The following PDSS2 variants were observed in gnomAD, a reference collection of about 807,000 sequenced individuals.
PDSS2 encodes the protein all trans-polyprenyl-diphosphate synthase PDSS2.
In PDSS2, 31 loss-of-function variants were observed where a neutral mutation model predicts 44.5. The observed-to-expected ratio is 0.70, with a 90% confidence interval of 0.52 to 0.94. The LOEUF is 0.94. Ranked by LOEUF, PDSS2 falls within the 40% of genes least tolerant of loss-of-function variation. PDSS2 has a pLI of 0.00. For missense variants in PDSS2, 452 were observed against 482.2 expected, an observed-to-expected ratio of 0.94 and a Z score of 0.59; for synonymous variants, 157 against 180.3, an observed-to-expected ratio of 0.87 and a Z score of 1.03.
chr6:107,367,920 GAATT>G (rs1779009276), intron 1 of PDSS2, among the ~76,000 whole-genome samples: 2 of 151,698 alleles, frequency 1.3e-5, no homozygotes, highest in Admixed American at 6.6e-5. Context: ...AAAAATACTA[GAATT>G]AATACATGAA....
chr6:107,411,411 T>A (rs1436503568), intron 1 of PDSS2, among the ~76,000 whole-genome samples: 1 of 152,262 alleles, frequency 6.6e-6, no homozygotes, highest in Non-Finnish European at 1.5e-5. Context: ...TTTGAGTTTT[T>A]ACCAATGTGA....
At chr6:107,291,852 TAAAAAAGAAAAG>T (rs1171278964) in intron 2 of PDSS2, among the ~76,000 whole-genome samples, 1 of 151,586 alleles carries the variant, frequency 6.6e-6, no homozygotes, top group East Asian at 2.0e-4. Flanking sequence ...CATTTCTATT[TAAAAAAGAAAAG>T]AAAAAAGAAA....
In PDSS2 at chr6:107,321,043, A is replaced by G. The variant is rs537648096; in HGVS notation, c.431+13155T>C. Reference sequence around the variant, plus strand: ...TACCAAGAAAAGCAATTTCTTAACCAATGTTAAATGTTAAATAAATGCACT... The same window carrying G: ...TACCAAGAAAAGCAATTTCTTAACCGATGTTAAATGTTAAATAAATGCACT... On this transcript the variant is annotated intron_variant, in intron 2 of 7. Transcript: ENST00000369037. 5.1e-4 allele frequency among the ~76,000 whole-genome samples: 77 copies of G among 152,372 alleles called. 1 individual carries two copies. In the South Asian group the frequency reaches 7.9e-3, roughly 16 times the overall value.
chr6:107,294,474 T>C (rs886219093), intron 2 of PDSS2, among the ~76,000 whole-genome samples: 1 of 152,090 alleles, frequency 6.6e-6, no homozygotes, highest in Non-Finnish European at 1.5e-5. Context: ...CTTAAACTGC[T>C]GGCCTCAAGT....
At position 107,452,299 on chromosome 6, in the gene PDSS2, G is replaced by A. The variant is rs1159545876; in HGVS notation, c.296+6691C>T. ...GTTGCCCAGGCTGGAGTGCAGTGCCGCGATCTCACTGCAACCTCTGCCTCC... is the reference window on the plus strand; with the variant it reads ...GTTGCCCAGGCTGGAGTGCAGTGCCACGATCTCACTGCAACCTCTGCCTCC... On this transcript the variant is annotated intron_variant, in intron 1 of 7. Transcript: ENST00000369037. Among the ~76,000 whole-genome samples the A allele has an allele frequency of 5.3e-5, 8 of 151,186 alleles. No homozygotes were observed. The East Asian group carries it at 7.8e-4, about 15-fold the overall frequency.
At chr6:107,447,601 C>T (rs555697587) in intron 1 of PDSS2, among the ~76,000 whole-genome samples, 1 of 152,346 alleles carries the variant, frequency 6.6e-6, no homozygotes, top group South Asian at 2.1e-4. Context: ...GAAACTCTGC[C>T]CCTGTGGCTT....
At chr6:107,458,167 G>A (rs1000915276) in intron 1 of PDSS2, among the ~76,000 whole-genome samples, 2 of 151,328 alleles carry the variant, frequency 1.3e-5, no homozygotes, top group Admixed American at 6.6e-5. Context: ...TACAATTCAG[G>A]TGTGGGGTTT....
Position 107,362,138 on chromosome 6 carries a change from G to A in PDSS2, c.297-27806C>T, listed in dbSNP as rs564794362. Among the ~76,000 whole-genome samples the A allele has an allele frequency of 2.6e-5, 4 of 152,290 alleles. No individual in the cohort carries two copies. The South Asian group carries it at 8.3e-4, about 32-fold the overall frequency. ...TAACAGGGAATTCCAGCAACCACAG[G>A]GAGCTTGACCCCACATATTTACGGT... On this transcript the variant is annotated intron_variant, in intron 1 of 7. Transcript: ENST00000369037.
chr6:107,264,885 A>G (rs561753499), intron 3 of PDSS2, among the ~76,000 whole-genome samples: 7 of 152,284 alleles, frequency 4.6e-5, no homozygotes, highest in Non-Finnish European at 8.8e-5. Context: ...ACTTATCCCA[A>G]TGGAATCAGG....
chr6:107,181,543 AGAAAAG>A lies in PDSS2; in HGVS notation c.1041+12273_1041+12278del, dbSNP rs1771981295. ...AGTGAATCTCTGTCTCAAAAAAAAA[AGAAAAG>A]AAAAGAAAAGAAAAAGAAATAAGAA... On this transcript the variant is annotated intron_variant, in intron 7 of 7. Coordinates refer to ENST00000369037, the MANE Select transcript of PDSS2 (RefSeq NM_020381.4). 2.2e-5 allele frequency among the ~76,000 whole-genome samples: 3 copies of A among 133,566 alleles called. No individual in the cohort carries two copies. The South Asian group carries it at 7.0e-4, about 31-fold the overall frequency. The allele number at this position is 133,566 out of a possible 152,430, so 87.6% of individuals were successfully genotyped here.
chr6:107,160,085 G>A (rs1044985397), intron 7 of PDSS2, among the ~76,000 whole-genome samples: 14 of 152,164 alleles, frequency 9.2e-5, no homozygotes, highest in African/African-American at 2.4e-4. Flanking sequence ...GCATGGTGCC[G>A]TGCACCTGTA....
rs143054350 is a variant in PDSS2 at position 107,398,804 on chromosome 6, T to C, written c.296+60186A>G. On this transcript the variant is annotated intron_variant, in intron 1 of 7. Coordinates refer to ENST00000369037, the MANE Select transcript of PDSS2 (RefSeq NM_020381.4). ...GCTCCCCCACCTGGACCAAACCTGA[T>C]CTAGAAACATGTCCATACTTGGAAA... Among the ~76,000 whole-genome samples, 451 of 152,316 alleles carry C rather than the reference T, an allele frequency of 3.0e-3. 2 individuals carry two copies. Among genetic ancestry groups the C allele is most frequent in the African/African-American group, 0.01 (421 of 41,566 alleles).
intron 4 of PDSS2, among the ~76,000 whole-genome samples, chr6:107,241,407 C>T (rs1234269016): frequency 1.6e-5 from 2 of 128,636 alleles, no homozygotes; most frequent in African/African-American, 6.0e-5. Flanking sequence ...AGTGCAGTGG[C>T]GAGATATCGG....
chr6:107,320,889 C>G (rs1334252281), intron 2 of PDSS2, among the ~76,000 whole-genome samples: 4 of 152,140 alleles, frequency 2.6e-5, no homozygotes, highest in Non-Finnish European at 5.9e-5. Context: ...GTAAGGCACC[C>G]TACTTCATAG....
At chr6:107,234,176 T>C (rs1331134380) in intron 4 of PDSS2, among the ~76,000 whole-genome samples, 1 of 151,946 alleles carries the variant, frequency 6.6e-6, no homozygotes, top group African/African-American at 2.4e-5. Context: ...TTCCATATTC[T>C]CCAATTCTCC....
intron 2 of PDSS2, among the ~76,000 whole-genome samples, chr6:107,320,985 T>C (rs987739085): frequency 6.6e-5 from 10 of 152,196 alleles, no homozygotes; most frequent in African/African-American, 2.4e-4. Flanking sequence ...CACTATAAAC[T>C]TGAGCACGTT....
chr6:107,254,688 T>G (rs1179734739), intron 3 of PDSS2, among the ~76,000 whole-genome samples: 1 of 152,162 alleles, frequency 6.6e-6, no homozygotes, highest in Non-Finnish European at 1.5e-5. Flanking sequence ...ATTTTAGTGT[T>G]GGGCCCATTT....
chr6:107,352,062 A>G (rs2430460), intron 1 of PDSS2, among the ~76,000 whole-genome samples: 69,248 of 152,044 alleles, frequency 0.46, 16,673 homozygotes, highest in Middle Eastern at 0.66. Context: ...TTGCTAAGAA[A>G]TGTATTTAGT....
chr6:107,361,105 GA>G (rs1447401887), intron 1 of PDSS2, among the ~76,000 whole-genome samples: 2 of 151,958 alleles, frequency 1.3e-5, no homozygotes, highest in African/African-American at 2.4e-5. Context: ...CCTTCATTGT[GA>G]AAAAAATTAG....
Sources: allele counts gnomAD v4.1 joint callset (sites outside exome capture counted in the v4.1 genomes callset), GRCh38; gene constraint gnomAD v4.1.1; transcripts MANE v1.5; gene names NCBI Gene and HGNC (gene_info 2026-07-23, HGNC 2026-07-21).